The following MID1 variants were observed in gnomAD, a reference collection of about 807,000 sequenced individuals.
MID1 encodes E3 ubiquitin-protein ligase Midline-1.
MID1 carries 7 observed loss-of-function variants against 40.4 expected under a neutral mutation model. That is an observed-to-expected ratio of 0.17 (90% CI 0.10 to 0.33). The LOEUF (loss-of-function observed/expected upper bound fraction) is 0.33, where lower values mean the gene tolerates loss of function less well. MID1 is among the 10% of genes least tolerant of loss of function. The probability of loss-of-function intolerance (pLI) is 1.00; values close to 1 mark genes in which losing one functional copy is unlikely to be tolerated. For synonymous variants in MID1, 229 were observed against 221.2 expected, an observed-to-expected ratio of 1.04 and a Z score of -0.31; for missense variants, 367 against 558.5, an observed-to-expected ratio of 0.66 and a Z score of 3.46.
intron 1 of MID1, among the ~76,000 whole-genome samples, chrX:10,762,436 G>T (rs1341323414): frequency 9.1e-6 from 1 of 110,121 alleles, no homozygotes; most frequent in East Asian, 2.9e-4. Context: ...CCATCTTATG[G>T]ACACATTTCC....
chrX:10,623,144 G>A (rs938263091), upstream of MID1, among the ~76,000 whole-genome samples: 7 of 106,688 alleles, frequency 6.6e-5, no homozygotes, highest in Non-Finnish European at 1.2e-4. Context: ...TCAGGTACTT[G>A]GGGAGCTAAG....
At chrX:10,587,346 T>C (rs1040702024) in intron 1 of MID1, among the ~76,000 whole-genome samples, 1 of 112,947 alleles carries the variant, frequency 8.9e-6, no homozygotes, top group African/African-American at 3.2e-5. Flanking sequence ...GCTCATCGCA[T>C]CCCTTCAGGT....
At chrX:10,469,475 A>G (rs1017704508) in intron 7 of MID1, 27 of 1,114,564 alleles carry the variant, frequency 2.4e-5, no homozygotes, top group Non-Finnish European at 3.0e-5. Context: ...CTTAACATCC[A>G]TGTGGTTTGC....
intron 1 of MID1, among the ~76,000 whole-genome samples, chrX:10,715,150 C>T (rs1183255122): frequency 8.9e-6 from 1 of 112,220 alleles, no homozygotes; most frequent in Non-Finnish European, 1.9e-5. Context: ...TCTGCATTTC[C>T]AACTGAGGTA....
At chrX:10,774,417 C>A (rs780432238) in intron 1 of MID1, among the ~76,000 whole-genome samples, 5 of 109,667 alleles carry the variant, frequency 4.6e-5, no homozygotes, top group African/African-American at 1.3e-4. Flanking sequence ...GACCTCTAAC[C>A]CAGCTTCTGC....
intron 1 of MID1, among the ~76,000 whole-genome samples, chrX:10,808,953 C>T (rs184672491): frequency 0.035 from 3,756 of 108,462 alleles, 174 homozygotes; most frequent in African/African-American, 0.12. Flanking sequence ...AAAGAGCTTC[C>T]GCACAGCAAA....
At chrX:10,476,773 T>G (rs1026670837) in intron 5 of MID1, among the ~76,000 whole-genome samples, 41 of 111,379 alleles carry the variant, frequency 3.7e-4, no homozygotes, top group African/African-American at 1.3e-3. Flanking sequence ...AATAGCAGAG[T>G]TGAGTGCTTT....
chrX:10,681,044 A>C (rs1308569500), intron 1 of MID1, among the ~76,000 whole-genome samples: 1 of 102,097 alleles, frequency 9.8e-6, no homozygotes, highest in Non-Finnish European at 2.0e-5. Context: ...TAATAATAAT[A>C]ATAATAATAA....
At chrX:10,507,537 G>T (rs1473453691) in intron 3 of MID1, among the ~76,000 whole-genome samples, 2 of 112,520 alleles carry the variant, frequency 1.8e-5, no homozygotes, top group Non-Finnish European at 3.8e-5. Context: ...GCAATCCTTT[G>T]TTTCAGTAGC....
At chrX:10,539,736 T>C (rs1305012501) in intron 2 of MID1, among the ~76,000 whole-genome samples, 1 of 112,810 alleles carries the variant, frequency 8.9e-6, no homozygotes, top group Non-Finnish European at 1.9e-5. Flanking sequence ...AAACCCTCTC[T>C]TCTCTTTTCT....
chrX:10,550,240 GTC>G (rs1269226769), intron 2 of MID1, among the ~76,000 whole-genome samples: 2 of 112,533 alleles, frequency 1.8e-5, no homozygotes, highest in Admixed American at 1.9e-4. Flanking sequence ...AGGCTCTCCT[GTC>G]TCTGACACAG....
At chrX:10,616,382 A>G (rs1233316559) in intron 1 of MID1, among the ~76,000 whole-genome samples, 4 of 112,489 alleles carry the variant, frequency 3.6e-5, no homozygotes, top group African/African-American at 1.3e-4. Flanking sequence ...ATTGAGAAAA[A>G]TCCAAATGAT....
chrX:10,476,715 G>A (rs1007723541), intron 5 of MID1, among the ~76,000 whole-genome samples: 1 of 111,243 alleles, frequency 9.0e-6, no homozygotes, highest in East Asian at 2.9e-4. Flanking sequence ...TCTGAATGAG[G>A]GTAGAGAATC....
At chrX:10,704,753 C>T (rs925162765) in intron 1 of MID1, among the ~76,000 whole-genome samples, 45 of 98,679 alleles carry the variant, frequency 4.6e-4, no homozygotes, top group Non-Finnish European at 6.4e-4. Flanking sequence ...CACACACACA[C>T]ACACACACAC....
chrX:10,750,853 T>C (rs1026667988), intron 1 of MID1, among the ~76,000 whole-genome samples: 3 of 110,471 alleles, frequency 2.7e-5, no homozygotes, highest in South Asian at 3.9e-4. Context: ...TTTAGAAGCA[T>C]ATTTGTGAAC....
At chrX:10,531,368 T>C (rs1261573624) in intron 2 of MID1, among the ~76,000 whole-genome samples, 1 of 112,407 alleles carries the variant, frequency 8.9e-6, no homozygotes, top group East Asian at 2.8e-4. Flanking sequence ...TAGGTTGTTT[T>C]AATTTTTTAA....
Position 10,469,740 on chromosome X carries a change from G to A in MID1, c.1242C>T (p.Tyr414=), listed in dbSNP as rs142718564. The A allele has an allele frequency of 5.3e-4, 640 of 1,208,932 alleles. 2 individuals are homozygous for A. The African/African-American group carries it at 7.8e-3, about 15-fold the overall frequency. ...CGGTGAATATGGTGTACTGGAGCTC[G>A]TAGGAGACCACGCTGAACTCATCAT... ...TSDDEFSVVS[Y]ELQYTIFTGQ... is the part of the protein sequence containing the mutation. The change falls in exon 7 of 10, where the codon TAC becomes TAT. Residue 414 remains tyrosine, a synonymous_variant. Transcript: ENST00000317552.
At chrX:10,739,830 C>G (rs1442183509) in intron 1 of MID1, among the ~76,000 whole-genome samples, 1 of 112,413 alleles carries the variant, frequency 8.9e-6, no homozygotes, top group Admixed American at 9.4e-5. Context: ...GTAATGTGTG[C>G]TGTCCCCCTT....
intron 7 of MID1, among the ~76,000 whole-genome samples, chrX:10,463,660 A>AATATC (rs1929180339): frequency 8.9e-6 from 1 of 112,163 alleles, no homozygotes; most frequent in Non-Finnish European, 1.9e-5. Flanking sequence ...AATAACTTTG[A>AATATC]ATATCTATGT....
Sources: allele counts gnomAD v4.1 joint callset (sites outside exome capture counted in the v4.1 genomes callset), GRCh38; gene constraint gnomAD v4.1.1; transcripts MANE v1.5; gene names NCBI Gene and HGNC (gene_info 2026-07-23, HGNC 2026-07-21).